Variants in ADAM29 observed in about 807,000 individuals in gnomAD.
ADAM29 encodes ADAM metallopeptidase domain 29, also known as disintegrin and metalloproteinase domain-containing protein 29.
For missense variants in ADAM29, 969 were observed against 1,001.8 expected, an observed-to-expected ratio of 0.97 and a Z score of 0.44; for synonymous variants, 367 against 342.3, an observed-to-expected ratio of 1.07 and a Z score of -0.80.
chr4:174,976,785 A>G lies in ADAM29; in HGVS notation c.1260A>G (p.Ala420=). 1 of 1,614,186 alleles carries G rather than the reference A, an allele frequency of 6.2e-7. No individual in the cohort carries two copies. Among genetic ancestry groups the G allele is most frequent in the Non-Finnish European group, 8.5e-7 (1 of 1,180,024 alleles). Residue 420 remains alanine, a synonymous_variant, in exon 5 of 5, where the codon GCA becomes GCG. Transcript: ENST00000359240. ...ACTGTGGACCTTTAAAGCATTGTGC[A>G]AAAGATCCCTGCTGTCTGTCAAATT... ...ECDCGPLKHC[A]KDPCCLSNCT... is the part of the protein sequence containing the mutation.
At chr4:174,952,172 A>C (rs1030015880) in intron 4 of ADAM29, among the ~76,000 whole-genome samples, 7 of 152,104 alleles carry the variant, frequency 4.6e-5, no homozygotes, top group African/African-American at 1.7e-4. Flanking sequence ...AAACAACCTT[A>C]TTGACTTTTT....
chr4:174,972,710 T>C (rs545100303), intron 4 of ADAM29, among the ~76,000 whole-genome samples: 4 of 152,278 alleles, frequency 2.6e-5, no homozygotes, highest in African/African-American at 9.6e-5. Context: ...TCTATTTTCT[T>C]CCCTGGTGGC....
chr4:174,925,265 A>G (rs958257426), intron 2 of ADAM29, among the ~76,000 whole-genome samples: 2 of 152,202 alleles, frequency 1.3e-5, no homozygotes, highest in Admixed American at 1.3e-4. Context: ...ACGAGGTGTT[A>G]ATATTGGTTC....
intron 3 of ADAM29, among the ~76,000 whole-genome samples, chr4:174,931,586 A>G (rs772073587): frequency 2.0e-5 from 3 of 152,210 alleles, no homozygotes; most frequent in Non-Finnish European, 4.4e-5. Flanking sequence ...TGATAGAAAC[A>G]TAACTTTCTA....
intron 2 of ADAM29, chr4:174,923,810 T>G (rs190233304): frequency 1.3e-5 from 2 of 152,430 alleles, no homozygotes; most frequent in East Asian, 3.9e-4. Context: ...TGTATTTATA[T>G]GCCTACCTCC....
intron 4 of ADAM29, among the ~76,000 whole-genome samples, chr4:174,949,376 T>G (rs1579045154): frequency 6.6e-6 from 1 of 152,200 alleles, no homozygotes; most frequent in South Asian, 2.1e-4. Context: ...GCTAGAGCCC[T>G]GCCGTGTCAT....
intron 4 of ADAM29, among the ~76,000 whole-genome samples, chr4:174,944,037 G>A (rs1022967261): frequency 3.3e-5 from 5 of 151,494 alleles, no homozygotes; most frequent in African/African-American, 1.2e-4. Context: ...ATGTTTTATT[G>A]TCTATAAATA....
At position 174,977,102 on chromosome 4, in the gene ADAM29, C is replaced by A. The variant is rs1028707131; in HGVS notation, c.1577C>A (p.Thr526Asn). 3 of 1,613,854 alleles carry A rather than the reference C, an allele frequency of 1.9e-6. No individual in the cohort carries two copies. Among genetic ancestry groups the A allele is most frequent in the South Asian group, 1.1e-5 (1 of 91,062 alleles). The change falls in exon 5 of 5, where the codon ACC becomes AAC. Residue 526 changes from threonine to asparagine, a missense_variant. Coordinates refer to ENST00000359240, the MANE Select transcript of ADAM29 (RefSeq NM_014269.4). ...GAGACTTGCTACAAAGAATTGAACA[C>A]CTTAGGTGACCGTGTTGGTCACTGT... ...ASETCYKELN[T>N]LGDRVGHCGI...
chr4:174,919,759 C>T (rs1352850566), intron 1 of ADAM29, among the ~76,000 whole-genome samples: 1 of 152,154 alleles, frequency 6.6e-6, no homozygotes, highest in African/African-American at 2.4e-5. Flanking sequence ...GAGTCAAAGT[C>T]AACTAATTAG....
chr4:174,973,254 A>G (rs1251824395), intron 4 of ADAM29, among the ~76,000 whole-genome samples: 1 of 152,192 alleles, frequency 6.6e-6, no homozygotes, highest in Non-Finnish European at 1.5e-5. Context: ...AAGCCCCTTT[A>G]AAAATTTTGG....
chr4:174,968,020 G>C, intron 4 of ADAM29, among the ~76,000 whole-genome samples: 1 of 151,596 alleles, frequency 6.6e-6, no homozygotes, highest in Non-Finnish European at 1.5e-5. Context: ...CATTATACTC[G>C]CTTTATTATT....
chr4:174,955,768 T>C (rs1745467079), intron 4 of ADAM29, among the ~76,000 whole-genome samples: 1 of 152,110 alleles, frequency 6.6e-6, no homozygotes, highest in African/African-American at 2.4e-5. Context: ...TAGTTCATTA[T>C]AAGCCTTTAC....
chr4:174,930,181 C>T (rs577642445), intron 2 of ADAM29, among the ~76,000 whole-genome samples: 2 of 152,220 alleles, frequency 1.3e-5, no homozygotes, highest in African/African-American at 2.4e-5. Context: ...CTGCCCACTT[C>T]GGCCTCCCAA....
intron 4 of ADAM29, among the ~76,000 whole-genome samples, chr4:174,950,264 T>C (rs937418491): frequency 6.6e-6 from 1 of 152,202 alleles, no homozygotes; most frequent in Non-Finnish European, 1.5e-5. Context: ...AGCACCAGAA[T>C]AGAATGTTTC....
intron 4 of ADAM29, among the ~76,000 whole-genome samples, chr4:174,958,229 G>A (rs1029755140): frequency 2.2e-5 from 3 of 135,238 alleles, no homozygotes; most frequent in Non-Finnish European, 4.8e-5. Context: ...CCTGCTCCAT[G>A]TCAATTACTG....
intron 4 of ADAM29, among the ~76,000 whole-genome samples, chr4:174,962,910 T>C (rs958000537): frequency 6.6e-6 from 1 of 152,096 alleles, no homozygotes; most frequent in African/African-American, 2.4e-5. Flanking sequence ...TAAAATAACA[T>C]GAAAAATTAT....
In ADAM29 at chr4:174,975,673, G is replaced by T. The variant is rs192544610; in HGVS notation, c.148G>T (p.Gly50Cys). ...CACCACCAGAGGCATGACACCTCCA[G>T]GCTGGCTCTCCTATATCCTGCCCTT... ...TGTTRGMTPP[G>C]WLSYILPFGG... The change falls in exon 5 of 5, where the codon GGC becomes TGC. Residue 50 changes from glycine to cysteine, a missense_variant. By Grantham distance (159) the Gly-to-Cys change is radical (BLOSUM62 -3). Coordinates refer to ENST00000359240, the MANE Select transcript of ADAM29 (RefSeq NM_014269.4). 9 of 1,613,108 alleles carry T rather than the reference G, an allele frequency of 5.6e-6. No individual in the cohort carries two copies. The Admixed American group carries it at 1.5e-4, about 27-fold the overall frequency.
At chr4:174,964,032 G>A (rs536236931) in intron 4 of ADAM29, among the ~76,000 whole-genome samples, 2 of 152,078 alleles carry the variant, frequency 1.3e-5, no homozygotes, top group South Asian at 2.1e-4. Flanking sequence ...TATCTTTTGT[G>A]ACTCAATTAA....
At position 174,977,375 on chromosome 4, in the gene ADAM29, A is replaced by C; in HGVS notation, c.1850A>C (p.His617Pro). 6.2e-7 allele frequency: 1 copy of C among 1,613,880 alleles called. No individual in the cohort carries two copies. The highest frequency in any genetic ancestry group is 8.5e-7 in the Non-Finnish European group (1 of 1,180,026). ...ATATGCATCCACAGGCACTGTGTCC[A>C]TATAACCATCTTGAATAGTAATTGC... ...DHICIHRHCV[H>P]ITILNSNCSP... Residue 617 changes from histidine to proline, a missense_variant, in exon 5 of 5, where the codon CAT becomes CCT. His to Pro is a moderately conservative substitution (Grantham distance 77). Coordinates refer to ENST00000359240, the MANE Select transcript of ADAM29 (RefSeq NM_014269.4).
Sources: gnomAD v4.1 joint callset for allele counts (sites outside exome capture counted in the v4.1 genomes callset) on GRCh38, gnomAD v4.1.1 for gene constraint, MANE v1.5 for transcripts, NCBI Gene and HGNC (gene_info 2026-07-23, HGNC 2026-07-21) for gene names.